Variants in CTNND2 observed in about 807,000 individuals in gnomAD.
CTNND2 encodes the protein catenin delta 2, also known as catenin delta-2.
In CTNND2, 22 loss-of-function variants were observed where a neutral mutation model predicts 144.4. That is an observed-to-expected ratio of 0.15 (90% CI 0.11 to 0.22). CTNND2 has a LOEUF of 0.22. Among genes scored for constraint, CTNND2 ranks in the 10% least tolerant of loss-of-function variants. CTNND2 has a pLI of 1.00. For synonymous variants in CTNND2, 751 were observed against 695.6 expected (o/e 1.08, Z -1.25); for missense variants, 1,353 against 1,618.8 (o/e 0.84, Z 2.82).
chr5:11,202,464 T>C (rs1337983840), intron 10 of CTNND2, among the ~76,000 whole-genome samples: 1 of 152,248 alleles, frequency 6.6e-6, no homozygotes, highest in African/African-American at 2.4e-5. Flanking sequence ...CTTTTGCTCT[T>C]ATTTGGGGTC....
intron 2 of CTNND2, among the ~76,000 whole-genome samples, chr5:11,678,872 G>A (rs1440185548): frequency 6.6e-6 from 1 of 151,932 alleles, no homozygotes; most frequent in Non-Finnish European, 1.5e-5. Flanking sequence ...AAGGACAGGT[G>A]TGTGTATGAT....
At chr5:11,241,458 T>C (rs937341066) in intron 9 of CTNND2, among the ~76,000 whole-genome samples, 2 of 152,192 alleles carry the variant, frequency 1.3e-5, no homozygotes, top group African/African-American at 2.4e-5. Flanking sequence ...TTCCCAGAAA[T>C]TGGGTTGGAG....
At position 11,558,349 on chromosome 5, in the gene CTNND2, TGTGTG is replaced by T. The variant is rs1561554272; in HGVS notation, c.287+6590_287+6594del. 4.1e-3 allele frequency among the ~76,000 whole-genome samples: 403 copies of T among 97,226 alleles called. 14 individuals carry two copies. In the East Asian group the frequency reaches 0.081, roughly 20 times the overall value. The allele number at this position is 97,226 out of a possible 152,430, so 63.8% of individuals were successfully genotyped here. The stretch of plus-strand genomic sequence containing the variant: ...TTTGGCTGTGAGAAACACGTGTGTG[TGTGTG>T]TGTGTGTGTGTGTGTGTGTGTGTGT... On this transcript the variant is annotated intron_variant, in intron 3 of 21. Transcript: ENST00000304623.
chr5:11,230,076 A>G lies in CTNND2; in HGVS notation c.1761+6615T>C, dbSNP rs929607575. ...TTAAAAATCCGCAAAAGGGACATGG[A>G]TGAAATTGGAAACCATCATTCTCAG... On this transcript the variant is annotated intron_variant, in intron 10 of 21. Transcript: ENST00000304623. 2.0e-5 allele frequency among the ~76,000 whole-genome samples: 3 copies of G among 151,970 alleles called. No homozygotes were observed. The East Asian group carries it at 5.8e-4, about 29-fold the overall frequency.
At chr5:11,824,355 T>C (rs1793492741) in intron 1 of CTNND2, among the ~76,000 whole-genome samples, 2 of 152,030 alleles carry the variant, frequency 1.3e-5, no homozygotes, top group African/African-American at 4.8e-5. Context: ...ACAAAGGCAT[T>C]AAAGGAGCGT....
chr5:11,790,354 T>G (rs1791067917), intron 1 of CTNND2, among the ~76,000 whole-genome samples: 1 of 152,174 alleles, frequency 6.6e-6, no homozygotes, highest in Non-Finnish European at 1.5e-5. Context: ...CATTTCAATA[T>G]GAAGTCCTGG....
At position 11,376,318 on chromosome 5, in the gene CTNND2, G is replaced by GTGTGTGCGTGTGTGTGTGTTCATGTATC. The variant is rs1444611200; in HGVS notation, c.1177+8346_1177+8347insGATACATGAACACACACACACGCACACA. Among the ~76,000 whole-genome samples, 413 of 100,492 alleles carry GTGTGTGCGTGTGTGTGTGTTCATGTATC rather than the reference G, an allele frequency of 4.1e-3. 3 individuals carry two copies. The highest frequency in any genetic ancestry group is 0.012 in the African/African-American group (307 of 25,182). The allele number at this position is 100,492 out of a possible 152,430, so 65.9% of individuals were successfully genotyped here. The stretch of plus-strand genomic sequence containing the variant: ...ACCTGAGTGATGAATGCCTTTGTGT[G>GTGTGTGCGTGTGTGTGTGTTCATGTATC]TGTGTGTGTGTGTGTGTGTGTGTGT... On this transcript the variant is annotated intron_variant, in intron 7 of 21. Transcript: ENST00000304623.
At chr5:11,225,774 A>G (rs1173137815) in intron 10 of CTNND2, among the ~76,000 whole-genome samples, 1 of 152,164 alleles carries the variant, frequency 6.6e-6, no homozygotes, top group African/African-American at 2.4e-5. Flanking sequence ...TAGGTTGAAT[A>G]TCGTCCCCCA....
chr5:11,851,085 C>G (rs1316440352), intron 1 of CTNND2, among the ~76,000 whole-genome samples: 2 of 152,100 alleles, frequency 1.3e-5, no homozygotes, highest in East Asian at 1.9e-4. Context: ...ACATAAATAC[C>G]CTGTTTGCGT....
At chr5:11,640,876 C>T (rs1274124247) in intron 2 of CTNND2, among the ~76,000 whole-genome samples, 2 of 152,170 alleles carry the variant, frequency 1.3e-5, no homozygotes, top group Admixed American at 6.5e-5. Flanking sequence ...ATACTGAACC[C>T]TATCAACTCT....
rs1561254095 is a variant in CTNND2, at chr5:11,346,384, T to C, written c.1616A>G (p.Gln539Arg). Reference sequence around the variant, plus strand: ...GGTTTTTACCCACCTGGGATCTTTCTGAATGCTATCAATGGACGGGGACCT... The same window carrying C: ...GGTTTTTACCCACCTGGGATCTTTCCGAATGCTATCAATGGACGGGGACCT... Reference protein sequence around the residue: ...LARSPSIDSIQKDPREFGWRD... With the variant: ...LARSPSIDSIRKDPREFGWRD... The change falls in exon 9 of 22, where the codon CAG becomes CGG. Residue 539 changes from glutamine to arginine, a missense_variant. Physicochemically the swap from Gln to Arg is conservative, Grantham distance 43. Around this residue, in one of 4 missense-constraint regions of CTNND2, gnomAD observed 69 missense variants for 120.3 expected, o/e 0.57. Coordinates refer to ENST00000304623, the MANE Select transcript of CTNND2 (RefSeq NM_001332.4). 6.2e-6 allele frequency: 9 copies of C among 1,460,630 alleles called. No homozygotes were observed. Among genetic ancestry groups the C allele is most frequent in the Non-Finnish European group, 8.2e-6 (9 of 1,101,616 alleles). 90.5% of individuals were successfully genotyped at this position (1,460,630 alleles called of 1,614,324 possible).
intron 3 of CTNND2, among the ~76,000 whole-genome samples, chr5:11,551,978 CCCTGGCCTCAAGTGAT>C (rs1240869832): frequency 1.6e-4 from 25 of 151,852 alleles, no homozygotes; most frequent in Non-Finnish European, 3.1e-4. Flanking sequence ...CAAGTGATCC[CCCTGGCCTCAAGTGAT>C]CCTGGCCTCA....
chr5:11,885,245 T>C (rs1454284540), intron 1 of CTNND2, among the ~76,000 whole-genome samples: 1 of 152,158 alleles, frequency 6.6e-6, no homozygotes, highest in East Asian at 1.9e-4. Context: ...TTGATATTTG[T>C]TTTTTAAAAG....
intron 12 of CTNND2, among the ~76,000 whole-genome samples, chr5:11,130,236 G>T (rs1047318144): frequency 2.6e-5 from 4 of 151,592 alleles, no homozygotes; most frequent in Non-Finnish European, 5.9e-5. Context: ...TGCCCAAAGC[G>T]GTGGTTGCTA....
chr5:11,049,505 T>C (rs1315243529), intron 16 of CTNND2, among the ~76,000 whole-genome samples: 1 of 152,206 alleles, frequency 6.6e-6, no homozygotes, highest in African/African-American at 2.4e-5. Context: ...CCAAATGTGT[T>C]ATGATAACTC....
chr5:11,016,626 C>T (rs753443111), intron 18 of CTNND2, among the ~76,000 whole-genome samples: 24 of 152,180 alleles, frequency 1.6e-4, no homozygotes, highest in Non-Finnish European at 3.1e-4. Flanking sequence ...CTGCAAGTGG[C>T]CAGGGGGCTG....
intron 3 of CTNND2, among the ~76,000 whole-genome samples, chr5:11,533,683 A>G (rs1466287057): frequency 2.0e-5 from 3 of 152,182 alleles, no homozygotes; most frequent in African/African-American, 7.2e-5. Context: ...GGCTTCATGG[A>G]AGCACCAATT....
chr5:11,095,185 A>C (rs1320358995), intron 15 of CTNND2, among the ~76,000 whole-genome samples: 1 of 152,220 alleles, frequency 6.6e-6, no homozygotes, highest in Non-Finnish European at 1.5e-5. Context: ...CTTGCAGCTG[A>C]TCTGGTTGCC....
intron 18 of CTNND2, among the ~76,000 whole-genome samples, chr5:11,008,583 C>A (rs879802685): frequency 6.6e-6 from 1 of 152,094 alleles, no homozygotes; most frequent in East Asian, 1.9e-4. Flanking sequence ...ATTTTCTTAT[C>A]GTCTCTGTTC....
Sources: allele counts gnomAD v4.1 joint callset (sites outside exome capture counted in the v4.1 genomes callset), GRCh38; gene constraint gnomAD v4.1.1; regional missense constraint gnomAD v4.1.1; transcripts MANE v1.5; gene names NCBI Gene and HGNC (gene_info 2026-07-23, HGNC 2026-07-21).